The following HAPSTR1 variants were observed in gnomAD, a reference collection of about 807,000 sequenced individuals.
The protein encoded by HAPSTR1 is HUWE1-associated protein modifying stress responses 1.
the HAPSTR1 span, among the ~76,000 whole-genome samples, chr16:9,093,775 ATTCTTGGTAACGGTGGGTTT>A: frequency 2.6e-5 from 4 of 151,844 alleles, no homozygotes; most frequent in East Asian, 7.7e-4. Context: ...CCATTTGTGC[ATTCTTGGTAACGGTGGGTTT>A]AGATTTTGTG....
chr16:9,103,675 TG>T, the HAPSTR1 span: 1 of 165,210 alleles, frequency 6.1e-6, no homozygotes, highest in Non-Finnish European at 1.3e-5. Context: ...TCATGGGACC[TG>T]GGACCTCCCT....
chr16:9,110,569 C>T, the HAPSTR1 span: 2 of 152,130 alleles, frequency 1.3e-5, no homozygotes, highest in African/African-American at 2.4e-5. Flanking sequence ...CAAATCACTC[C>T]TGATAAAATT....
At chr16:9,092,355 G>A in the HAPSTR1 span, 1 of 1,173,708 alleles carries the variant, frequency 8.5e-7, no homozygotes, top group Non-Finnish European at 1.1e-6. Context: ...CGGCCGCTTC[G>A]GGGGGCCGCG....
At chr16:9,114,902 A>G in the HAPSTR1 span, among the ~76,000 whole-genome samples, 2 of 152,188 alleles carry the variant, frequency 1.3e-5, no homozygotes, top group Non-Finnish European at 1.5e-5. Context: ...AAGTATTCTC[A>G]TGTTAATGCT....
chr16:9,093,055 G>T, the HAPSTR1 span: 1 of 1,513,886 alleles, frequency 6.6e-7, no homozygotes, highest in Non-Finnish European at 9.1e-7. Flanking sequence ...CTGCGTCAGG[G>T]TGTCTGCCCT....
At chr16:9,100,566 C>G in the HAPSTR1 span, among the ~76,000 whole-genome samples, 1 of 151,862 alleles carries the variant, frequency 6.6e-6, no homozygotes, top group Non-Finnish European at 1.5e-5. Context: ...GAGAGTCTTA[C>G]TCTTTCGCCC....
chr16:9,105,557 CAT>C, the HAPSTR1 span: 3 of 152,200 alleles, frequency 2.0e-5, no homozygotes, highest in East Asian at 1.9e-4. Flanking sequence ...TAACTAGTAA[CAT>C]AGATTAGTGA....
At chr16:9,120,695 T>TTTTTTG in the HAPSTR1 span, 4 of 126,140 alleles carry the variant, frequency 3.2e-5, no homozygotes, top group Admixed American at 8.1e-5. Context: ...TTTTTTTTTT[T>TTTTTTG]GTGATGGAGT....
the HAPSTR1 span, among the ~76,000 whole-genome samples, chr16:9,113,671 T>C: frequency 6.6e-6 from 1 of 152,230 alleles, no homozygotes; most frequent in East Asian, 1.9e-4. Context: ...TATTTTGCCA[T>C]AATAATTACC....
At chr16:9,116,389 AATGAG>A in the HAPSTR1 span, among the ~76,000 whole-genome samples, 1 of 152,238 alleles carries the variant, frequency 6.6e-6, no homozygotes, top group African/African-American at 2.4e-5. Flanking sequence ...GGGAGAATTT[AATGAG>A]ATATTTGTAC....
chr16:9,116,702 T>C, the HAPSTR1 span: 1 of 1,614,198 alleles, frequency 6.2e-7, no homozygotes, highest in Admixed American at 1.7e-5. Flanking sequence ...TAAGCGTGCG[T>C]TCGAGTACCC....
At chr16:9,108,718 T>C in the HAPSTR1 span, 6 of 152,214 alleles carry the variant, frequency 3.9e-5, no homozygotes, top group Admixed American at 3.9e-4. Flanking sequence ...ACTGTATCCC[T>C]GGTTCACTGG....
the HAPSTR1 span, chr16:9,113,022 T>G: frequency 1.3e-5 from 2 of 150,436 alleles, no homozygotes; most frequent in East Asian, 1.9e-4. Flanking sequence ...TTTTTTGTTT[T>G]TTTTGTTTTT....
At chr16:9,097,376 G>A in the HAPSTR1 span, among the ~76,000 whole-genome samples, 1 of 151,824 alleles carries the variant, frequency 6.6e-6, no homozygotes, top group Non-Finnish European at 1.5e-5. Context: ...TGAGTAGCTG[G>A]GACCACAGGC....
chr16:9,100,302 T>G, the HAPSTR1 span, among the ~76,000 whole-genome samples: 1 of 152,156 alleles, frequency 6.6e-6, no homozygotes, highest in Non-Finnish European at 1.5e-5. Context: ...GATTACTGAG[T>G]TTTCCCGATG....
the HAPSTR1 span, among the ~76,000 whole-genome samples, chr16:9,100,251 C>G: frequency 6.6e-6 from 1 of 152,144 alleles, no homozygotes; most frequent in South Asian, 2.1e-4. Context: ...AGGTTCACAA[C>G]TTGTTACATA....
chr16:9,112,834 A>T, the HAPSTR1 span: 4 of 152,194 alleles, frequency 2.6e-5, no homozygotes, highest in African/African-American at 9.7e-5. Context: ...ATCATTTAAA[A>T]TGGATACAGA....
the HAPSTR1 span, chr16:9,119,042 G>C: frequency 6.6e-6 from 1 of 152,618 alleles, no homozygotes; most frequent in East Asian, 1.9e-4. Context: ...CAATTTATAT[G>C]CCTTATTGGC....
the HAPSTR1 span, chr16:9,108,507 A>G: frequency 6.6e-6 from 1 of 152,134 alleles, no homozygotes; most frequent in Non-Finnish European, 1.5e-5. Flanking sequence ...ACCCTTAACC[A>G]CTATGCTCTC....
Sources: gnomAD v4.1 joint callset for allele counts (sites outside exome capture counted in the v4.1 genomes callset) on GRCh38, gnomAD v4.1.1 for gene constraint, MANE v1.5 for transcripts, NCBI Gene and HGNC (gene_info 2026-07-23, HGNC 2026-07-21) for gene names.